Variants in OIT3 observed in about 807,000 individuals in gnomAD.
The protein encoded by OIT3 is oncoprotein induced transcript 3.
A neutral mutation model predicts 52.2 loss-of-function variants in OIT3; 41 were observed. That is an observed-to-expected ratio of 0.79 (90% CI 0.61 to 1.02). The LOEUF is 1.02. Among genes scored for constraint, OIT3 ranks in the 50% least tolerant of loss-of-function variants. The pLI is 0.00. For missense variants in OIT3, 634 were observed against 715.5 expected, an observed-to-expected ratio of 0.89 and a Z score of 1.30; for synonymous variants, 244 against 276.9, an observed-to-expected ratio of 0.88 and a Z score of 1.18.
chr10:72,905,648 T>C (rs895869951), intron 3 of OIT3, among the ~76,000 whole-genome samples: 18 of 152,140 alleles, frequency 1.2e-4, no homozygotes, highest in Admixed American at 2.6e-4. Context: ...CCCCATACCA[T>C]GTGGGAAGTG....
At chr10:72,906,543 GA>G in intron 3 of OIT3, 52 bp from the exon 4 acceptor site, 1 of 1,607,396 alleles carries the variant, frequency 6.2e-7, no homozygotes, top group Non-Finnish European at 8.5e-7. Context: ...GGGGGGTTGG[GA>G]AAAGGCTGAA....
At chr10:72,923,679 A>G (rs542678462) in intron 6 of OIT3, among the ~76,000 whole-genome samples, 1 of 152,334 alleles carries the variant, frequency 6.6e-6, no homozygotes, top group South Asian at 2.1e-4. Context: ...AGGTGGCTGG[A>G]TACCCCATTT....
At chr10:72,916,156 T>C (rs1219981360) in intron 6 of OIT3, among the ~76,000 whole-genome samples, 1 of 152,148 alleles carries the variant, frequency 6.6e-6, no homozygotes, top group African/African-American at 2.4e-5. Context: ...TCTTTGAAGC[T>C]TAGTTTTATT....
chr10:72,927,111 T>A (rs1180263999), intron 7 of OIT3, among the ~76,000 whole-genome samples: 2 of 152,186 alleles, frequency 1.3e-5, no homozygotes, highest in Non-Finnish European at 2.9e-5. Flanking sequence ...TTATTCAGTC[T>A]CTTAGTGAAG....
chr10:72,932,514 G>A lies in OIT3; in HGVS notation c.1628G>A (p.Trp543Ter). The change falls in exon 9 of 9, where the codon TGG becomes TAG. Residue 543 changes from tryptophan to a stop codon, truncating the protein, a stop_gained. Coordinates refer to ENST00000334011, the MANE Select transcript of OIT3 (RefSeq NM_152635.3). LOFTEE classifies it high-confidence loss of function. ...TLTGGPIRID[W>*]ED ...ACAGGCGGCCCGATCCGCATCGACTGGGAGGACTAGTTCGTAGCCATACCT... is the reference window on the plus strand; with the variant it reads ...ACAGGCGGCCCGATCCGCATCGACTAGGAGGACTAGTTCGTAGCCATACCT... 1 of 1,604,426 alleles carries A rather than the reference G, an allele frequency of 6.2e-7. No homozygotes were observed. Among genetic ancestry groups the A allele is most frequent in the South Asian group, 1.1e-5 (1 of 89,442 alleles).
intron 7 of OIT3, among the ~76,000 whole-genome samples, chr10:72,929,318 G>A (rs567109732): frequency 6.6e-6 from 1 of 150,578 alleles, no homozygotes; most frequent in Non-Finnish European, 1.5e-5. Context: ...TGGCCCAGAA[G>A]ACAGGAACTA....
At chr10:72,920,826 A>T (rs1846114776) in intron 6 of OIT3, among the ~76,000 whole-genome samples, 1 of 152,182 alleles carries the variant, frequency 6.6e-6, no homozygotes, top group Non-Finnish European at 1.5e-5. Context: ...GCATTTGCTG[A>T]GGAGTGTTTT....
At chr10:72,906,574 C>A in intron 3 of OIT3, 22 bp from the exon 4 acceptor site, 1 of 1,613,624 alleles carries the variant, frequency 6.2e-7, no homozygotes, top group Non-Finnish European at 8.5e-7. Context: ...AGTATAGAAA[C>A]AGTGTGGTTT....
intron 1 of OIT3, among the ~76,000 whole-genome samples, chr10:72,897,614 A>T (rs1332482999): frequency 1.3e-5 from 2 of 152,190 alleles, no homozygotes; most frequent in Non-Finnish European, 2.9e-5. Context: ...TTTCAGTGGA[A>T]TGAGCTTTTA....
intron 1 of OIT3, among the ~76,000 whole-genome samples, chr10:72,895,268 GT>G (rs1845864137): frequency 6.6e-6 from 1 of 152,136 alleles, no homozygotes. Context: ...CGCTCAGAAA[GT>G]TGTCCTCCCG....
chr10:72,925,007 A>G (rs1216484962), intron 7 of OIT3, among the ~76,000 whole-genome samples: 1 of 151,172 alleles, frequency 6.6e-6, no homozygotes, highest in African/African-American at 2.4e-5. Flanking sequence ...GCTACTCAAG[A>G]GGCTGAGGCA....
intron 6 of OIT3, chr10:72,918,640 G>A: frequency 1.5e-6 from 1 of 648,986 alleles, no homozygotes; most frequent in Non-Finnish European, 2.8e-6. Context: ...GTACACTTAA[G>A]TTTTTAACCC....
intron 6 of OIT3, among the ~76,000 whole-genome samples, chr10:72,922,170 T>A (rs375338349): frequency 3.9e-5 from 6 of 152,292 alleles, no homozygotes; most frequent in Middle Eastern, 3.4e-3. Context: ...TCAGGGATGA[T>A]TTTCTTGTGG....
chr10:72,930,583 C>T lies in OIT3; in HGVS notation c.1413C>T (p.His471=), dbSNP rs144921701. The part of the protein sequence containing the change: ...DSVKQYTSRD[H]LAKHFQVPVF... ...TAAAGCAGTACACATCCCGGGATCA[C>T]CTAGCAAAGCACTTCCAGGTCCCTG... The change falls in exon 8 of 9, where the codon CAC becomes CAT. Residue 471 remains histidine, a synonymous_variant. Transcript: ENST00000334011. The T allele has an allele frequency of 1.2e-4, 189 of 1,613,760 alleles. No individual in the cohort carries two copies. In the African/African-American group the frequency reaches 2.1e-3, roughly 18 times the overall value.
At chr10:72,906,192 C>A (rs967071352) in intron 3 of OIT3, among the ~76,000 whole-genome samples, 6 of 152,194 alleles carry the variant, frequency 3.9e-5, no homozygotes, top group Admixed American at 3.9e-4. Context: ...TCAGCTATTT[C>A]CTTCTGTAAT....
chr10:72,918,011 TTCATCTTCTTCATCG>T, intron 6 of OIT3: 1 of 812,492 alleles, frequency 1.2e-6, no homozygotes, highest in South Asian at 1.3e-5. Context: ...CATCATCATC[TTCATCTTCTTCATCG>T]TCATCATCAT....
At chr10:72,932,308 T>A in intron 8 of OIT3, 46 bp from the exon 9 acceptor site, 2 of 1,564,172 alleles carry the variant, frequency 1.3e-6, no homozygotes, top group Non-Finnish European at 1.8e-6. Flanking sequence ...GCCCCACAAG[T>A]GGCAGCAGTT....
chr10:72,919,860 T>C (rs1263059836), intron 6 of OIT3, among the ~76,000 whole-genome samples: 1 of 152,230 alleles, frequency 6.6e-6, no homozygotes, highest in East Asian at 1.9e-4. Flanking sequence ...CAGTATTTTG[T>C]TGAGGATTTT....
chr10:72,907,613 G>GT (rs1186957016), intron 4 of OIT3, among the ~76,000 whole-genome samples: 1 of 152,148 alleles, frequency 6.6e-6, no homozygotes, highest in Non-Finnish European at 1.5e-5. Context: ...TCGAGTTTGT[G>GT]TTTTTAACAA....
Sources: allele counts gnomAD v4.1 joint callset (sites outside exome capture counted in the v4.1 genomes callset), GRCh38; gene constraint gnomAD v4.1.1; transcripts MANE v1.5; gene names NCBI Gene and HGNC (gene_info 2026-07-23, HGNC 2026-07-21).